The following UBE2E2 variants were observed in gnomAD, a reference collection of about 807,000 sequenced individuals.
The protein encoded by UBE2E2 is ubiquitin-conjugating enzyme E2 E2.
A neutral mutation model predicts 24.7 loss-of-function variants in UBE2E2; 6 were observed. The observed-to-expected ratio is 0.24, with a 90% CI of 0.13 to 0.48. UBE2E2 has a LOEUF of 0.48. Among genes scored for constraint, UBE2E2 ranks in the 20% least tolerant of loss-of-function variants. The pLI, the probability that UBE2E2 is intolerant of heterozygous loss-of-function variation, is 0.99. For synonymous variants in UBE2E2, 104 were observed against 83.6 expected, an observed-to-expected ratio of 1.24 and a Z score of -1.33; for missense variants, 169 against 245.0, an observed-to-expected ratio of 0.69 and a Z score of 2.07.
At chr3:23,401,368 A>G (rs1697217905) in intron 3 of UBE2E2, among the ~76,000 whole-genome samples, 1 of 152,230 alleles carries the variant, frequency 6.6e-6, no homozygotes. Context: ...AAATACTATA[A>G]GCACATTACC....
chr3:23,508,977 C>G (rs1328524396), intron 4 of UBE2E2, among the ~76,000 whole-genome samples: 2 of 152,184 alleles, frequency 1.3e-5, no homozygotes, highest in East Asian at 3.8e-4. Context: ...ACAGATGACA[C>G]AAGTGATACC....
At chr3:23,501,197 C>T (rs548851401) in intron 4 of UBE2E2, among the ~76,000 whole-genome samples, 1 of 152,270 alleles carries the variant, frequency 6.6e-6, no homozygotes, top group African/African-American at 2.4e-5. Flanking sequence ...TCAGACCAGG[C>T]TATTGTGCTG....
intron 4 of UBE2E2, among the ~76,000 whole-genome samples, chr3:23,500,840 A>G (rs958429715): frequency 6.6e-6 from 1 of 152,206 alleles, no homozygotes; most frequent in African/African-American, 2.4e-5. Context: ...CTTGTCCAGC[A>G]TTATGCATCA....
chr3:23,561,258 A>G (rs949269061), intron 5 of UBE2E2, among the ~76,000 whole-genome samples: 1 of 152,190 alleles, frequency 6.6e-6, no homozygotes, highest in Non-Finnish European at 1.5e-5. Flanking sequence ...ATAAGGTGTA[A>G]GGAAGGGATC....
chr3:23,255,618 C>T (rs1256781794), intron 3 of UBE2E2, among the ~76,000 whole-genome samples: 2 of 152,122 alleles, frequency 1.3e-5, no homozygotes, highest in African/African-American at 4.8e-5. Context: ...TGACACTGAT[C>T]TAGGTGGGAA....
chr3:23,365,110 G>A (rs1696220035), intron 3 of UBE2E2, among the ~76,000 whole-genome samples: 1 of 152,154 alleles, frequency 6.6e-6, no homozygotes, highest in Admixed American at 6.5e-5. Flanking sequence ...ACTAGGCATT[G>A]AAGTAATGTA....
intron 4 of UBE2E2, among the ~76,000 whole-genome samples, chr3:23,522,862 A>C (rs1339383098): frequency 6.6e-6 from 1 of 152,172 alleles, no homozygotes; most frequent in Non-Finnish European, 1.5e-5. Flanking sequence ...AACATTCCAC[A>C]GTCCAAAGCA....
intron 5 of UBE2E2, among the ~76,000 whole-genome samples, chr3:23,580,838 AG>A (rs1696460322): frequency 6.6e-6 from 1 of 152,230 alleles, no homozygotes; most frequent in Non-Finnish European, 1.5e-5. Context: ...ATAAAAGAGC[AG>A]GGCTTATTTT....
At chr3:23,555,827 A>G (rs146941782) in intron 5 of UBE2E2, among the ~76,000 whole-genome samples, 19 of 152,334 alleles carry the variant, frequency 1.2e-4, no homozygotes, top group African/African-American at 3.4e-4. Flanking sequence ...TTTAAAGGTC[A>G]ACTATATAAA....
chr3:23,257,012 C>G (rs1477384053), intron 3 of UBE2E2, among the ~76,000 whole-genome samples: 1 of 152,216 alleles, frequency 6.6e-6, no homozygotes, highest in Non-Finnish European at 1.5e-5. Context: ...AAGGAACTGG[C>G]ACCAACATAT....
intron 3 of UBE2E2, among the ~76,000 whole-genome samples, chr3:23,496,590 A>C (rs947092967): frequency 6.6e-6 from 1 of 152,034 alleles, no homozygotes; most frequent in Non-Finnish European, 1.5e-5. Flanking sequence ...TATTTTTAAG[A>C]TTCATTCATG....
intron 3 of UBE2E2, among the ~76,000 whole-genome samples, chr3:23,346,789 T>C (rs184233899): frequency 1.7e-4 from 26 of 152,308 alleles, no homozygotes; most frequent in African/African-American, 5.5e-4. Context: ...AAAACACACT[T>C]TGTTGATTCT....
chr3:23,260,908 A>T (rs569330116), intron 3 of UBE2E2, among the ~76,000 whole-genome samples: 18 of 152,100 alleles, frequency 1.2e-4, no homozygotes, highest in Non-Finnish European at 2.2e-4. Context: ...GTTTGAGATC[A>T]GCATGGGCAA....
chr3:23,582,504 C>T (rs955497165), intron 5 of UBE2E2, among the ~76,000 whole-genome samples: 4 of 152,152 alleles, frequency 2.6e-5, no homozygotes, highest in Admixed American at 6.5e-5. Context: ...TTTGTGGAAA[C>T]GCTTTACACT....
intron 1 of UBE2E2, 109 bp downstream of exon 1, chr3:23,203,573 A>G (rs1696030423): frequency 1.5e-6 from 1 of 658,974 alleles, no homozygotes; most frequent in African/African-American, 2.1e-5. Flanking sequence ...CTCTGCTTAC[A>G]CCGCTCGTGC....
chr3:23,548,248 A>G (rs1695568046), intron 5 of UBE2E2, among the ~76,000 whole-genome samples: 1 of 152,336 alleles, frequency 6.6e-6, no homozygotes, highest in Non-Finnish European at 1.5e-5. Flanking sequence ...AACATCATAT[A>G]AAGCTGTTTC....
intron 3 of UBE2E2, among the ~76,000 whole-genome samples, chr3:23,381,537 G>A (rs1031911605): frequency 6.6e-5 from 10 of 152,140 alleles, no homozygotes; most frequent in Non-Finnish European, 1.5e-4. Flanking sequence ...TTCTGTAAGA[G>A]CTCCGCATTA....
At chr3:23,286,909 T>C (rs576218029) in intron 3 of UBE2E2, among the ~76,000 whole-genome samples, 1 of 152,316 alleles carries the variant, frequency 6.6e-6, no homozygotes, top group South Asian at 2.1e-4. Context: ...GTTGCTATTG[T>C]AAATAGAATT....
intron 3 of UBE2E2, among the ~76,000 whole-genome samples, chr3:23,228,022 T>G (rs1696871480): frequency 6.6e-6 from 1 of 152,190 alleles, no homozygotes; most frequent in Admixed American, 6.5e-5. Flanking sequence ...TGGGGAACTT[T>G]ATGTATAATA....
Sources: allele counts gnomAD v4.1 joint callset (sites outside exome capture counted in the v4.1 genomes callset), GRCh38; gene constraint gnomAD v4.1.1; transcripts MANE v1.5; gene names NCBI Gene and HGNC (gene_info 2026-07-23, HGNC 2026-07-21).